The following EDIL3 variants were observed in gnomAD, a reference collection of about 807,000 sequenced individuals.
EDIL3 encodes EGF-like repeat and discoidin I-like domain-containing protein 3.
EDIL3 carries 37 observed loss-of-function variants against 67.4 expected under a neutral mutation model. That is an observed-to-expected ratio of 0.55 (90% CI 0.42 to 0.72). The LOEUF (loss-of-function observed/expected upper bound fraction) is 0.72, where lower values mean the gene tolerates loss of function less well. EDIL3 is among the 30% of genes least tolerant of loss of function. The probability of loss-of-function intolerance (pLI) is 0.00; values close to 1 mark genes in which losing one functional copy is unlikely to be tolerated. For synonymous variants in EDIL3, 195 were observed against 196.3 expected, an observed-to-expected ratio of 0.99 and a Z score of 0.05; for missense variants, 527 against 586.3, an observed-to-expected ratio of 0.90 and a Z score of 1.04.
intron 1 of EDIL3, among the ~76,000 whole-genome samples, chr5:84,372,251 A>G (rs1396628679): frequency 6.6e-6 from 1 of 152,164 alleles, no homozygotes; most frequent in Non-Finnish European, 1.5e-5. Context: ...AAAAATATGT[A>G]CGACTTCAGC....
At chr5:84,077,381 A>G (rs1485836145) in intron 6 of EDIL3, among the ~76,000 whole-genome samples, 12 of 152,188 alleles carry the variant, frequency 7.9e-5, no homozygotes, top group Admixed American at 7.9e-4. Context: ...ACAAGGGTGT[A>G]TGAGTCCATT....
chr5:84,076,927 C>T (rs1261490012), intron 6 of EDIL3, among the ~76,000 whole-genome samples: 3 of 152,148 alleles, frequency 2.0e-5, no homozygotes, highest in East Asian at 3.9e-4. Context: ...TTCCTGTAGA[C>T]AATGGTCACA....
intron 10 of EDIL3, among the ~76,000 whole-genome samples, chr5:83,945,644 A>G (rs1686565890): frequency 6.6e-6 from 1 of 151,926 alleles, no homozygotes; most frequent in Non-Finnish European, 1.5e-5. Context: ...TGAATTATTA[A>G]TTATACTTAT....
At chr5:84,041,682 T>C (rs1746127866) in intron 9 of EDIL3, among the ~76,000 whole-genome samples, 1 of 138,910 alleles carries the variant, frequency 7.2e-6, no homozygotes, top group African/African-American at 2.8e-5. Context: ...ATACTTATAT[T>C]TGTGTATATC....
chr5:84,274,081 G>C (rs139607999), intron 1 of EDIL3, among the ~76,000 whole-genome samples: 1 of 151,928 alleles, frequency 6.6e-6, no homozygotes, highest in Admixed American at 6.6e-5. Flanking sequence ...ATTTGAATTA[G>C]AGCATCCTAA....
At chr5:83,955,441 A>G (rs1744498165) in intron 10 of EDIL3, among the ~76,000 whole-genome samples, 1 of 151,668 alleles carries the variant, frequency 6.6e-6, no homozygotes, top group Non-Finnish European at 1.5e-5. Context: ...TAACTAGAAA[A>G]ACTATATTGT....
chr5:84,073,415 T>G (rs1467721900), intron 6 of EDIL3, among the ~76,000 whole-genome samples: 1 of 152,178 alleles, frequency 6.6e-6, no homozygotes, highest in South Asian at 2.1e-4. Flanking sequence ...TTGTCCCTGT[T>G]TGCAGATGAC....
chr5:84,139,696 T>C (rs138612684), intron 4 of EDIL3, among the ~76,000 whole-genome samples: 14 of 152,264 alleles, frequency 9.2e-5, no homozygotes, highest in Admixed American at 5.2e-4. Flanking sequence ...TAAAGTTAGA[T>C]GCAAAAATTT....
At chr5:84,346,513 T>C (rs1747243296) in intron 1 of EDIL3, among the ~76,000 whole-genome samples, 1 of 152,230 alleles carries the variant, frequency 6.6e-6, no homozygotes, top group South Asian at 2.1e-4. Flanking sequence ...ATTTTTATTA[T>C]CATAATATTT....
chr5:84,172,505 A>C (rs1353344745), intron 4 of EDIL3, among the ~76,000 whole-genome samples: 1 of 152,024 alleles, frequency 6.6e-6, no homozygotes, highest in African/African-American at 2.4e-5. Flanking sequence ...ATTTGAGCCC[A>C]GGAGATGAAG....
intron 9 of EDIL3, among the ~76,000 whole-genome samples, chr5:83,988,157 G>C (rs1363386735): frequency 6.6e-6 from 1 of 151,986 alleles, no homozygotes; most frequent in Non-Finnish European, 1.5e-5. Context: ...AACGTGAAAA[G>C]TAACTTGACA....
intron 2 of EDIL3, among the ~76,000 whole-genome samples, chr5:84,252,507 A>AAAAAAAAAAAAAAAAAAAAAAAAAAAAG (rs1745044322): frequency 6.7e-6 from 1 of 148,478 alleles, no homozygotes; most frequent in East Asian, 2.0e-4. Flanking sequence ...AAAAAAAAAA[A>AAAAAAAAAAAAAAAAAAAAAAAAAAAAG]AAAAAAAAAA....
chr5:84,132,538 T>A lies in EDIL3; in HGVS notation c.469+4703A>T, dbSNP rs1233401173. 1.5e-3 allele frequency among the ~76,000 whole-genome samples: 81 copies of A among 55,698 alleles called. 2 individuals are homozygous for A. The highest frequency in any genetic ancestry group is 4.4e-3 in the African/African-American group (71 of 16,096). The allele number at this position is 55,698 out of a possible 152,430, so 36.5% of individuals were successfully genotyped here. A position where few individuals can be genotyped will look rare whatever the true frequency, so the allele number is the denominator to read the frequency against. On this transcript the variant is annotated intron_variant, in intron 5 of 10. Coordinates refer to ENST00000296591, the MANE Select transcript of EDIL3 (RefSeq NM_005711.5). ...ATATTTTAATATATATTATATATTTTATATATAATATATATTTTATATATT... is the reference window on the plus strand; with the variant it reads ...ATATTTTAATATATATTATATATTTAATATATAATATATATTTTATATATT...
At chr5:84,302,453 C>A (rs1333068654) in intron 1 of EDIL3, among the ~76,000 whole-genome samples, 1 of 152,108 alleles carries the variant, frequency 6.6e-6, no homozygotes, top group Non-Finnish European at 1.5e-5. Flanking sequence ...CCTGACACCA[C>A]ACCCAGCTAA....
chr5:84,148,814 T>C (rs1164238826), intron 4 of EDIL3, among the ~76,000 whole-genome samples: 6 of 152,256 alleles, frequency 3.9e-5, no homozygotes. Flanking sequence ...TATATATTTT[T>C]ATCCCATATT....
intron 3 of EDIL3, among the ~76,000 whole-genome samples, chr5:84,209,412 C>T (rs1374884364): frequency 6.6e-6 from 1 of 151,932 alleles, no homozygotes; most frequent in African/African-American, 2.4e-5. Context: ...TTAGGTTGCA[C>T]TACTACTGTT....
At chr5:84,023,369 G>T (rs1745752609) in intron 9 of EDIL3, among the ~76,000 whole-genome samples, 1 of 151,944 alleles carries the variant, frequency 6.6e-6, no homozygotes, top group African/African-American at 2.4e-5. Context: ...CATAAACAAT[G>T]TACAGAGTAG....
intron 9 of EDIL3, among the ~76,000 whole-genome samples, chr5:83,992,796 TTATTATAATG>T (rs1279580528): frequency 6.6e-6 from 1 of 152,148 alleles, no homozygotes; most frequent in East Asian, 1.9e-4. Flanking sequence ...AACTAGTATA[TTATTATAATG>T]TATTATAGTC....
intron 4 of EDIL3, among the ~76,000 whole-genome samples, chr5:84,144,659 T>C (rs1176651770): frequency 1.3e-5 from 2 of 152,116 alleles, no homozygotes; most frequent in South Asian, 4.1e-4. Context: ...CTGGTATCAG[T>C]TGTCTGCAGA....
Sources: allele counts gnomAD v4.1 joint callset (sites outside exome capture counted in the v4.1 genomes callset), GRCh38; gene constraint gnomAD v4.1.1; transcripts MANE v1.5; gene names NCBI Gene and HGNC (gene_info 2026-07-23, HGNC 2026-07-21).